The following RGPD2 variants were observed in gnomAD, a reference collection of about 807,000 sequenced individuals.
The protein encoded by RGPD2 is RANBP2-like and GRIP domain-containing protein 2.
In RGPD2, 2 loss-of-function variants were observed where a neutral mutation model predicts 36.0. That is an observed-to-expected ratio of 0.06 (90% CI 0.02 to 0.17). RGPD2 has a LOEUF of 0.17. Among genes scored for constraint, RGPD2 ranks in the 10% least tolerant of loss-of-function variants. The pLI is 1.00. For missense variants in RGPD2, 40 were observed against 464.3 expected, an observed-to-expected ratio of 0.09 and a Z score of 8.40; for synonymous variants, 19 against 163.8, an observed-to-expected ratio of 0.12 and a Z score of 6.75.
chr2:87,882,865 T>C, the RGPD2 span, among the ~76,000 whole-genome samples: 4 of 152,062 alleles, frequency 2.6e-5, no homozygotes, highest in Non-Finnish European at 5.9e-5. Flanking sequence ...ACACTGTTTT[T>C]TAAATTTTTT....
chr2:87,868,475 TAA>T, the RGPD2 span, among the ~76,000 whole-genome samples: 1 of 95,256 alleles, frequency 1.0e-5, no homozygotes, highest in South Asian at 4.4e-4. Flanking sequence ...TCTTAAAATA[TAA>T]GTCAAGTCAT....
chr2:87,940,903 C>G, the RGPD2 span, among the ~76,000 whole-genome samples: 1 of 151,764 alleles, frequency 6.6e-6, no homozygotes, highest in South Asian at 2.1e-4. Context: ...ATGTCATTTT[C>G]TGCCATTTAT....
the RGPD2 span, among the ~76,000 whole-genome samples, chr2:87,971,722 G>A: frequency 6.6e-6 from 1 of 151,734 alleles, no homozygotes; most frequent in African/African-American, 2.4e-5. Flanking sequence ...TCAAGAATGT[G>A]AGTATGATTT....
chr2:87,824,861 A>AGGCCGAGGCCGC, intron 1 of RGPD2: 1 of 39,828 alleles, frequency 2.5e-5, no homozygotes. Context: ...GCCGAGGCCG[A>AGGCCGAGGCCGC]GGCCGCCGCC....
At position 87,824,754 on chromosome 2, in the gene RGPD2, C is replaced by CGCCGCCGCCGCCGCCCGGCCAGGCCGAG. The variant is rs1558738352; in HGVS notation, c.72+876_72+903dup. Among the ~76,000 whole-genome samples the CGCCGCCGCCGCCGCCCGGCCAGGCCGAG allele has an allele frequency of 2.3e-4, 28 of 120,898 alleles. 2 individuals carry two copies. Among genetic ancestry groups the CGCCGCCGCCGCCGCCCGGCCAGGCCGAG allele is most frequent in the African/African-American group, 7.8e-4 (25 of 31,892 alleles). 79.3% of individuals were successfully genotyped at this position (120,898 alleles called of 152,430 possible). The stretch of plus-strand genomic sequence containing the variant: ...CCGGCCAGGCCGAGGCCGCCGCCGC[C>CGCCGCCGCCGCCGCCCGGCCAGGCCGAG]GCCGCCGCCGCCGCCCGGCCAGGCC... On this transcript the variant is annotated intron_variant, in intron 1 of 22. Coordinates refer to ENST00000398146, the MANE Select transcript of RGPD2 (RefSeq NM_001078170.3).
the RGPD2 span, among the ~76,000 whole-genome samples, chr2:87,879,411 CT>C: frequency 2.2e-3 from 272 of 123,268 alleles, no homozygotes; most frequent in East Asian, 6.8e-3. Flanking sequence ...ATTTTTTTTT[CT>C]TTTTTTTTTT....
At chr2:87,967,602 ATATAT>A in the RGPD2 span, among the ~76,000 whole-genome samples, 2 of 148,890 alleles carry the variant, frequency 1.3e-5, no homozygotes, top group South Asian at 4.2e-4. Flanking sequence ...TATTCCTAAA[ATATAT>A]TATACTTTAT....
chr2:87,937,096 T>C, the RGPD2 span, among the ~76,000 whole-genome samples: 1 of 151,832 alleles, frequency 6.6e-6, no homozygotes, highest in Non-Finnish European at 1.5e-5. Flanking sequence ...AAACACAATG[T>C]AATGAGTGCT....
chr2:87,866,317 A>G, the RGPD2 span, among the ~76,000 whole-genome samples: 2 of 152,164 alleles, frequency 1.3e-5, no homozygotes, highest in Non-Finnish European at 2.9e-5. Context: ...TGTTTTGTCC[A>G]TTATTCATAT....
the RGPD2 span, among the ~76,000 whole-genome samples, chr2:87,875,678 G>A: frequency 5.3e-5 from 8 of 152,118 alleles, no homozygotes; most frequent in African/African-American, 1.7e-4. Flanking sequence ...TTTTGTTGTT[G>A]TTGTTGTTGT....
the RGPD2 span, among the ~76,000 whole-genome samples, chr2:87,915,386 T>TAG: frequency 1.3e-5 from 1 of 75,926 alleles, no homozygotes; most frequent in African/African-American, 4.8e-5. Context: ...ATATATATTG[T>TAG]ATATATATGT....
At chr2:87,940,632 T>TTTTG in the RGPD2 span, among the ~76,000 whole-genome samples, 2 of 130,860 alleles carry the variant, frequency 1.5e-5, no homozygotes, top group Non-Finnish European at 3.1e-5. Context: ...AATTTTCTGT[T>TTTTG]TGTGTGTGTG....
the RGPD2 span, among the ~76,000 whole-genome samples, chr2:87,956,417 G>A: frequency 5.3e-5 from 8 of 150,624 alleles, no homozygotes; most frequent in Non-Finnish European, 8.9e-5. Context: ...ATATATGTAC[G>A]TGTGTGTGCA....
At chr2:87,840,176 A>G in the RGPD2 span, among the ~76,000 whole-genome samples, 8 of 132,104 alleles carry the variant, frequency 6.1e-5, no homozygotes, top group Non-Finnish European at 9.6e-5. Context: ...TGGTGTCCCT[A>G]TAAGAAGAGG....
chr2:87,879,651 T>C, the RGPD2 span, among the ~76,000 whole-genome samples: 2 of 79,536 alleles, frequency 2.5e-5, no homozygotes, highest in Non-Finnish European at 4.8e-5. Flanking sequence ...AGGATCTCAT[T>C]CTTTTTATGG....
At chr2:87,864,648 A>T in the RGPD2 span, among the ~76,000 whole-genome samples, 6,302 of 145,894 alleles carry the variant, frequency 0.043, no homozygotes, top group Non-Finnish European at 0.061. Flanking sequence ...TAGTAAGTAG[A>T]TAGTAGATAG....
the RGPD2 span, among the ~76,000 whole-genome samples, chr2:87,927,517 A>T: frequency 2.4e-4 from 36 of 151,012 alleles, no homozygotes; most frequent in Non-Finnish European, 2.1e-4. Context: ...AGCATCTGAG[A>T]TTAAAGAAAA....
chr2:87,967,523 T>C, the RGPD2 span, among the ~76,000 whole-genome samples: 2 of 149,906 alleles, frequency 1.3e-5, no homozygotes, highest in Admixed American at 1.3e-4. Flanking sequence ...TGAACATTAA[T>C]CTAGAAAATT....
the RGPD2 span, among the ~76,000 whole-genome samples, chr2:87,868,960 G>GT: frequency 2.5e-4 from 38 of 150,946 alleles, no homozygotes; most frequent in African/African-American, 8.7e-4. Flanking sequence ...GACTGAAACC[G>GT]TAACTATTGT....
Sources: allele counts gnomAD v4.1 joint callset (sites outside exome capture counted in the v4.1 genomes callset), GRCh38; gene constraint gnomAD v4.1.1; transcripts MANE v1.5; gene names NCBI Gene and HGNC (gene_info 2026-07-23, HGNC 2026-07-21).